The following MAP3K8 variants were observed in gnomAD, a reference collection of about 807,000 sequenced individuals.
MAP3K8 encodes Ewing sarcoma transformant.
Under a neutral mutation model 45.8 loss-of-function variants are expected in MAP3K8, and 22 were observed. The observed-to-expected ratio is 0.48, with a 90% confidence interval of 0.34 to 0.69. The LOEUF (loss-of-function observed/expected upper bound fraction) is 0.69, where lower values mean the gene tolerates loss of function less well. MAP3K8 is among the 30% of genes least tolerant of loss of function. The pLI is 0.01. For missense variants in MAP3K8, 419 were observed against 585.0 expected (o/e 0.72, Z 2.93); for synonymous variants, 223 against 214.3 (o/e 1.04, Z -0.36).
intron 3 of MAP3K8, among the ~76,000 whole-genome samples, chr10:30,443,529 G>C (rs2132794312): frequency 6.6e-6 from 1 of 152,280 alleles, no homozygotes; most frequent in Admixed American, 6.5e-5. Context: ...GCAGGACCCT[G>C]TGAACTCAAG....
intron 6 of MAP3K8, among the ~76,000 whole-genome samples, chr10:30,453,359 C>G (rs1588787707): frequency 1.3e-5 from 2 of 152,110 alleles, no homozygotes; most frequent in South Asian, 4.2e-4. Flanking sequence ...TCTCTTTGAG[C>G]CTAGGAATTC....
chr10:30,461,791 G>A lies in MAP3K8; in HGVS notation c.*955G>A. 1 of 182,348 alleles carries A rather than the reference G, an allele frequency of 5.5e-6. No homozygotes were observed. Among genetic ancestry groups the A allele is most frequent in the Non-Finnish European group, 1.2e-5 (1 of 85,610 alleles). 11.3% of individuals were successfully genotyped at this position (182,348 alleles called of 1,614,324 possible). A position where few individuals can be genotyped will look rare whatever the true frequency, so the allele number is the denominator to read the frequency against. ...ATAAAACCCAATACTTTTGTCCAAT[G>A]TGGTTGGTCAAATCAACTGAATAAA... On this transcript the variant is annotated 3_prime_UTR_variant, in exon 9 of 9. Coordinates refer to ENST00000263056, the MANE Select transcript of MAP3K8 (RefSeq NM_005204.4).
Position 30,458,274 on chromosome 10 carries a change from G to T in MAP3K8, c.1026+38G>T, listed in dbSNP as rs765408908. 8.7e-5 allele frequency: 119 copies of T among 1,364,272 alleles called. 14 individuals carry two copies. The highest frequency in any genetic ancestry group is 1.1e-4 in the Non-Finnish European group (109 of 1,026,792). The allele number at this position is 1,364,272 out of a possible 1,614,324, so 84.5% of individuals were successfully genotyped here. The stretch of plus-strand genomic sequence containing the variant: ...CAACCAGGGCTGGGGGCGGCGGGGG[G>T]GGGCGTTGAGTTATGCATCCCGCAG... On this transcript the variant is annotated intron_variant, in intron 7 of 8. Coordinates refer to ENST00000263056, the MANE Select transcript of MAP3K8 (RefSeq NM_005204.4).
Position 30,438,950 on chromosome 10 carries a change from G to T in MAP3K8, c.12G>T (p.Met4Ile). The change falls in exon 3 of 9, where the codon ATG (methionine) becomes ATT (isoleucine). Residue 4 changes from methionine to isoleucine, a missense_variant. By Grantham distance (10) the Met-to-Ile change is conservative. Transcript: ENST00000263056. ...AAAGAGCAACAGTAATGGAGTACAT[G>T]AGCACTGGAAGTGACAATAAAGAAG... MEY[M>I]STGSDNKEEI... The T allele has an allele frequency of 6.2e-7, 1 of 1,606,866 alleles. No homozygotes were observed. Among genetic ancestry groups the T allele is most frequent in the South Asian group, 1.1e-5 (1 of 90,558 alleles).
chr10:30,444,999 A>T lies in MAP3K8; in HGVS notation c.337-2783A>T, dbSNP rs149959402. On this transcript the variant is annotated intron_variant, in intron 3 of 8. Coordinates refer to ENST00000263056, the MANE Select transcript of MAP3K8 (RefSeq NM_005204.4). The stretch of plus-strand genomic sequence containing the variant: ...GCTCAGACTATTGTAGACTTCGATG[A>T]GATAATGTATTGAAGTACTGAGCAC... Among the ~76,000 whole-genome samples the T allele has an allele frequency of 1.6e-3, 248 of 152,346 alleles. 2 individuals are homozygous for T. The highest frequency in any genetic ancestry group is 2.0e-3 in the Non-Finnish European group (134 of 68,040).
chr10:30,458,277 G>GGGGC, intron 7 of MAP3K8, 41 bp downstream of exon 7: 1 of 1,349,978 alleles, frequency 7.4e-7, no homozygotes. Context: ...GCGGGGGGGG[G>GGGGC]CGTTGAGTTA....
At chr10:30,446,781 T>G (rs1033499036) in intron 3 of MAP3K8, among the ~76,000 whole-genome samples, 2 of 152,206 alleles carry the variant, frequency 1.3e-5, no homozygotes, top group African/African-American at 4.8e-5. Flanking sequence ...GAAATATATT[T>G]TATATATAGT....
Position 30,450,350 on chromosome 10 carries a change from G to C in MAP3K8, c.597G>C (p.Trp199Cys), listed in dbSNP as rs771973010. 3.1e-6 allele frequency: 5 copies of C among 1,613,998 alleles called. No individual in the cohort carries two copies. The highest frequency in any genetic ancestry group is 4.2e-6 in the Non-Finnish European group (5 of 1,180,028). ...NIAELYGAVL[W>C]GETVHLFMEA... ...CAGAGCTGTATGGCGCAGTCCTGTG[G>C]GGTGAAACTGTCCATCTCTTTATGG... Residue 199 changes from tryptophan to cysteine, a missense_variant, in exon 5 of 9, where the codon TGG becomes TGC. Around this residue, in one of 3 missense-constraint regions of MAP3K8, gnomAD observed 209 missense variants for 367.3 expected, o/e 0.57. Coordinates refer to ENST00000263056, the MANE Select transcript of MAP3K8 (RefSeq NM_005204.4).
At chr10:30,448,687 C>T (rs1836430361) in intron 4 of MAP3K8, among the ~76,000 whole-genome samples, 1 of 152,148 alleles carries the variant, frequency 6.6e-6, no homozygotes, top group Non-Finnish European at 1.5e-5. Context: ...CCTGCCTAGC[C>T]TTCCAAAGTG....
At chr10:30,441,843 C>T (rs1325799659) in intron 3 of MAP3K8, among the ~76,000 whole-genome samples, 1 of 152,122 alleles carries the variant, frequency 6.6e-6, no homozygotes, top group African/African-American at 2.4e-5. Context: ...CTTTCGGCTC[C>T]CTTTCATCCT....
chr10:30,436,717 C>G (rs1444445815), intron 1 of MAP3K8, among the ~76,000 whole-genome samples: 2 of 150,664 alleles, frequency 1.3e-5, no homozygotes, highest in African/African-American at 2.4e-5. Flanking sequence ...AAAAAATCCT[C>G]TAAAATTTGT....
At chr10:30,435,774 C>T (rs1444879847) in intron 1 of MAP3K8, among the ~76,000 whole-genome samples, 1 of 152,190 alleles carries the variant, frequency 6.6e-6, no homozygotes, top group African/African-American at 2.4e-5. Context: ...GAACTCCTGA[C>T]CTCAGGTGAT....
At chr10:30,459,192 T>A in intron 7 of MAP3K8, 63 bp from the exon 8 acceptor site, 2 of 1,591,680 alleles carry the variant, frequency 1.3e-6, no homozygotes, top group Non-Finnish European at 1.7e-6. Flanking sequence ...GGTACTAGCA[T>A]GCTTTTGCTG....
intron 1 of MAP3K8, among the ~76,000 whole-genome samples, chr10:30,435,323 G>T (rs185362399): frequency 4.1e-4 from 63 of 152,264 alleles, no homozygotes; most frequent in African/African-American, 1.4e-3. Context: ...TCTCTGCGAC[G>T]GATTGAGGTT....
intron 3 of MAP3K8, among the ~76,000 whole-genome samples, chr10:30,444,564 A>C (rs303438): frequency 1.3e-5 from 2 of 152,012 alleles, no homozygotes; most frequent in Non-Finnish European, 2.9e-5. Flanking sequence ...GGACTTGCAC[A>C]TTACACTAGA....
At chr10:30,444,946 G>A (rs956423408) in intron 3 of MAP3K8, among the ~76,000 whole-genome samples, 2 of 152,198 alleles carry the variant, frequency 1.3e-5, no homozygotes, top group African/African-American at 4.8e-5. Flanking sequence ...TTCCTCATCT[G>A]TGAAATGGAG....
At chr10:30,434,707 C>T (rs1044023189) in intron 1 of MAP3K8, 4 of 985,416 alleles carry the variant, frequency 4.1e-6, no homozygotes, top group Non-Finnish European at 4.8e-6. Context: ...CTCCCGCTGC[C>T]GACGCCGCCT....
chr10:30,455,640 G>T (rs1173972630), intron 6 of MAP3K8, among the ~76,000 whole-genome samples: 1 of 152,086 alleles, frequency 6.6e-6, no homozygotes, highest in African/African-American at 2.4e-5. Flanking sequence ...AAGTCTGCTT[G>T]GTTTTACCTT....
chr10:30,437,765 G>A (rs962565038), intron 2 of MAP3K8, among the ~76,000 whole-genome samples: 2 of 152,222 alleles, frequency 1.3e-5, no homozygotes, highest in East Asian at 1.9e-4. Context: ...TTGATCAGAC[G>A]TGCGTGGCTT....
Sources: allele counts gnomAD v4.1 joint callset (sites outside exome capture counted in the v4.1 genomes callset), GRCh38; gene constraint gnomAD v4.1.1; regional missense constraint gnomAD v4.1.1; transcripts MANE v1.5; gene names NCBI Gene and HGNC (gene_info 2026-07-23, HGNC 2026-07-21).